SMAD6: variants seen among roughly 807,000 people sequenced by gnomAD.
SMAD6 encodes the protein SMAD family member 6, also known as MAD homolog 6.
Under a neutral mutation model 39.4 loss-of-function variants are expected in SMAD6, and 103 were observed. That is an observed-to-expected ratio of 2.62 (90% confidence interval 2.23 to 3.08). SMAD6 has a LOEUF of 3.08. Among genes scored for constraint, SMAD6 ranks in the 30% most tolerant of loss-of-function variants. SMAD6 has a pLI of 0.00. For synonymous variants in SMAD6, 445 were observed against 353.3 expected, an observed-to-expected ratio of 1.26 and a Z score of -2.91; for missense variants, 1,104 against 742.9, an observed-to-expected ratio of 1.49 and a Z score of -5.65.
At chr15:66,726,999 A>G (rs767202100) in intron 3 of SMAD6, among the ~76,000 whole-genome samples, 81 of 152,014 alleles carry the variant, frequency 5.3e-4, no homozygotes, top group Admixed American at 2.6e-3. Context: ...TCCTTTCTGT[A>G]TCAGAGCCCC....
chr15:66,721,027 TG>T (rs551434921), intron 3 of SMAD6, among the ~76,000 whole-genome samples: 232 of 152,230 alleles, frequency 1.5e-3, no homozygotes, highest in Non-Finnish European at 2.0e-3. Context: ...GAGCTGGATG[TG>T]GGTATCTTTC....
intron 3 of SMAD6, among the ~76,000 whole-genome samples, chr15:66,718,689 G>T (rs1283437099): frequency 6.6e-6 from 1 of 152,214 alleles, no homozygotes; most frequent in Non-Finnish European, 1.5e-5. Context: ...TTTCCAGCTT[G>T]CTCTGTGCTG....
chr15:66,777,725 G>A (rs1288708595), intron 3 of SMAD6, among the ~76,000 whole-genome samples: 2 of 152,182 alleles, frequency 1.3e-5, no homozygotes, highest in African/African-American at 4.8e-5. Flanking sequence ...GGAAGGAGAG[G>A]TCAGAGAGGG....
chr15:66,744,992 C>G (rs1268339869), intron 3 of SMAD6, among the ~76,000 whole-genome samples: 1 of 152,110 alleles, frequency 6.6e-6, no homozygotes, highest in Non-Finnish European at 1.5e-5. Flanking sequence ...GGGAGAGGGT[C>G]AATTGCCAAG....
In SMAD6 at chr15:66,702,333, G is replaced by C. The variant is rs958542086; in HGVS notation, c.-926G>C. 6.6e-6 allele frequency: 1 copy of C among 152,124 alleles called. No homozygotes were observed. The highest frequency in any genetic ancestry group is 2.1e-4 in the South Asian group (1 of 4,820). 9.4% of individuals were successfully genotyped at this position (152,124 alleles called of 1,614,324 possible). A position where few individuals can be genotyped will look rare whatever the true frequency, so the allele number is the denominator to read the frequency against. Reference sequence around the variant, plus strand: ...AAAAGAGAGAGAGAGCCGAGCGGGGGAGCGATCGAGGGAGCTGAGCCGAGA... The same window carrying C: ...AAAAGAGAGAGAGAGCCGAGCGGGGCAGCGATCGAGGGAGCTGAGCCGAGA... On this transcript the variant is annotated 5_prime_UTR_variant, in exon 1 of 4. Coordinates refer to ENST00000288840, the MANE Select transcript of SMAD6 (RefSeq NM_005585.5).
Position 66,703,707 on chromosome 15 carries a change from TG to T in SMAD6, c.451del (p.Glu151SerfsTer30). The T allele has an allele frequency of 7.4e-7, 1 of 1,344,780 alleles. No individual in the cohort carries two copies. The highest frequency in any genetic ancestry group is 9.7e-7 in the Non-Finnish European group (1 of 1,034,820). The allele number at this position is 1,344,780 out of a possible 1,614,324, so 83.3% of individuals were successfully genotyped here. A position where few individuals can be genotyped will look rare whatever the true frequency, so the allele number is the denominator to read the frequency against. ...AGCGACCCCCTGGCCGGGGCGGCCC[TG>T]GAGCCGGCGGGCGGCGGGCGGAGTC... ...DASDPLAGAA[L>X]EPAGGGRSRE... On this transcript the variant is annotated frameshift_variant, in exon 1 of 4. Coordinates refer to ENST00000288840, the MANE Select transcript of SMAD6 (RefSeq NM_005585.5). LOFTEE classifies it high-confidence loss of function.
At chr15:66,757,412 C>T (rs1894120596) in intron 3 of SMAD6, among the ~76,000 whole-genome samples, 1 of 152,174 alleles carries the variant, frequency 6.6e-6, no homozygotes, top group African/African-American at 2.4e-5. Context: ...GACAGAGGTT[C>T]ATGTGGACTC....
At chr15:66,777,412 T>C (rs1894485504) in intron 3 of SMAD6, among the ~76,000 whole-genome samples, 1 of 151,744 alleles carries the variant, frequency 6.6e-6, no homozygotes, top group Admixed American at 6.6e-5. Context: ...CAAAAGTAAT[T>C]GAGGCAGGAG....
In SMAD6 at chr15:66,756,207, G is replaced by A. The variant is rs563183021; in HGVS notation, c.953-24790G>A. Among the ~76,000 whole-genome samples, 79 of 152,184 alleles carry A rather than the reference G, an allele frequency of 5.2e-4. 1 individual carries two copies. Among genetic ancestry groups the A allele is most frequent in the Non-Finnish European group, 8.2e-4 (56 of 68,004 alleles). ...TGTGGGTACGTGGAAGCTAGGAGTG[G>A]GGGGTGCCTGGGAGTGCAGGAGGCC... is the stretch of plus-strand genomic sequence containing the variant. On this transcript the variant is annotated intron_variant, in intron 3 of 3. Transcript: ENST00000288840.
intron 3 of SMAD6, among the ~76,000 whole-genome samples, chr15:66,752,598 AACAT>A (rs1380388602): frequency 2.0e-5 from 3 of 152,084 alleles, no homozygotes; most frequent in African/African-American, 7.2e-5. Flanking sequence ...CAGACTGGGC[AACAT>A]AGTGAGGCCC....
Position 66,703,382 on chromosome 15 carries a change from C to G in SMAD6, c.124C>G (p.Arg42Gly). ...CGACGAGGATGGGAGCTTGGGCAGC[C>G]GAGCTGAGCCGGCCCCGCGGGCAAG... ...GGDEDGSLGSRAEPAPRAREG... is the reference protein window; with the variant it reads ...GGDEDGSLGSGAEPAPRAREG... Residue 42 changes from arginine to glycine, a missense_variant, in exon 1 of 4, where the codon CGA becomes GGA. Arg to Gly is a moderately radical substitution (Grantham distance 125, BLOSUM62 -2). Coordinates refer to ENST00000288840, the MANE Select transcript of SMAD6 (RefSeq NM_005585.5). The G allele has an allele frequency of 7.0e-7, 1 of 1,435,440 alleles. No individual in the cohort carries two copies. Among genetic ancestry groups the G allele is most frequent in the South Asian group, 1.5e-5 (1 of 68,784 alleles). 88.9% of individuals were successfully genotyped at this position (1,435,440 alleles called of 1,614,324 possible).
intron 3 of SMAD6, among the ~76,000 whole-genome samples, chr15:66,749,832 C>CAGT (rs1893970441): frequency 6.6e-6 from 1 of 152,116 alleles, no homozygotes; most frequent in Non-Finnish European, 1.5e-5. Context: ...AGGTGGCACC[C>CAGT]CCTTTTGTGT....
chr15:66,752,314 C>T (rs913415205), intron 3 of SMAD6, among the ~76,000 whole-genome samples: 1 of 152,138 alleles, frequency 6.6e-6, no homozygotes, highest in Non-Finnish European at 1.5e-5. Context: ...GGGAGAGCCC[C>T]GGGCTCATGC....
chr15:66,733,324 C>CA lies in SMAD6; in HGVS notation c.952+16832dup, dbSNP rs1893662242. Among the ~76,000 whole-genome samples, 5 of 152,262 alleles carry CA rather than the reference C, an allele frequency of 3.3e-5. No individual in the cohort carries two copies. In the South Asian group the frequency reaches 1.0e-3, roughly 32 times the overall value. ...TTTTAGAATTAGCTGTTGATTTCTACAAAAAAGGCCTGCTAGGGTTTTGAT... is the reference window on the plus strand; with the variant it reads ...TTTTAGAATTAGCTGTTGATTTCTACAAAAAAAGGCCTGCTAGGGTTTTGAT... On this transcript the variant is annotated intron_variant, in intron 3 of 3. Coordinates refer to ENST00000288840, the MANE Select transcript of SMAD6 (RefSeq NM_005585.5).
chr15:66,716,368 AAGAG>A, intron 2 of SMAD6, 49 bp from the exon 3 acceptor site: 1 of 1,309,154 alleles, frequency 7.6e-7, no homozygotes, highest in Non-Finnish European at 1.1e-6. Context: ...AAGAAGAAAA[AAGAG>A]AGCGCTGCCC....
Position 66,728,357 on chromosome 15 carries a change from A to G in SMAD6, c.952+11859A>G, listed in dbSNP as rs78338501. Among the ~76,000 whole-genome samples the G allele has an allele frequency of 7.6e-3, 1,157 of 151,868 alleles. 25 individuals are homozygous for G. The East Asian group carries it at 0.078, about 10-fold the overall frequency. ...ATACCTTGTTGGCTTTTTGGAATAT[A>G]GCTTCTTTAACTCAACAGAATATTC... On this transcript the variant is annotated intron_variant, in intron 3 of 3. Transcript: ENST00000288840.
In SMAD6 at chr15:66,763,449, C is replaced by T. The variant is rs568959532; in HGVS notation, c.953-17548C>T. Among the ~76,000 whole-genome samples, 56 of 152,332 alleles carry T rather than the reference C, an allele frequency of 3.7e-4. No homozygotes were observed. In the South Asian group the frequency reaches 9.9e-3, roughly 27 times the overall value. On this transcript the variant is annotated intron_variant, in intron 3 of 3. Transcript: ENST00000288840. ...CATTCTCTCGTCAGTGCCGCCTCCC[C>T]GACTTGGCAGGGCCGTCTCCTTGAG...
chr15:66,703,337 AGCG>A lies in SMAD6; in HGVS notation c.90_92del (p.Gly33del), dbSNP rs936063348. 37 of 1,484,204 alleles carry A rather than the reference AGCG, an allele frequency of 2.5e-5. No individual in the cohort carries two copies. Among genetic ancestry groups the A allele is most frequent in the Admixed American group, 9.5e-5 (4 of 41,964 alleles). The allele number at this position is 1,484,204 out of a possible 1,614,324, so 91.9% of individuals were successfully genotyped here. A position where few individuals can be genotyped will look rare whatever the true frequency, so the allele number is the denominator to read the frequency against. ...GGTCCCCGACCGGGAGGAAGGCGGC[AGCG>A]GCGGCGGCGGTGGCGGCGACGAGGA... is the stretch of plus-strand genomic sequence containing the variant. On this transcript the variant is annotated inframe_deletion, in exon 1 of 4. Transcript: ENST00000288840.
chr15:66,745,705 T>TC (rs1028424836), intron 3 of SMAD6, among the ~76,000 whole-genome samples: 4 of 151,964 alleles, frequency 2.6e-5, no homozygotes, highest in African/African-American at 4.8e-5. Flanking sequence ...AGAGTCAGGC[T>TC]CCCCCCCAAG....
Sources: allele counts gnomAD v4.1 joint callset (sites outside exome capture counted in the v4.1 genomes callset), GRCh38; gene constraint gnomAD v4.1.1; transcripts MANE v1.5; gene names NCBI Gene and HGNC (gene_info 2026-07-23, HGNC 2026-07-21).